RCAN2: variants seen among roughly 807,000 people sequenced by gnomAD.
RCAN2 encodes regulator of calcineurin 2.
In RCAN2, 9 loss-of-function variants were observed where a neutral mutation model predicts 23.6. The observed-to-expected ratio is 0.38, with a 90% CI of 0.23 to 0.67. RCAN2 has a LOEUF of 0.67. Ranked by LOEUF, RCAN2 falls within the 30% of genes least tolerant of loss-of-function variation. The probability of loss-of-function intolerance (pLI) is 0.51; values close to 1 mark genes in which losing one functional copy is unlikely to be tolerated. For synonymous variants in RCAN2, 109 were observed against 115.7 expected (o/e 0.94, Z 0.37); for missense variants, 273 against 302.3 (o/e 0.90, Z 0.72).
At chr6:46,327,216 A>G (rs1763820847) in intron 2 of RCAN2, among the ~76,000 whole-genome samples, 1 of 152,152 alleles carries the variant, frequency 6.6e-6, no homozygotes, top group South Asian at 2.1e-4. Flanking sequence ...TAGGTATAGG[A>G]AGTGTTCAGT....
chr6:46,314,359 C>CAAAAAA (rs537111154), intron 2 of RCAN2, among the ~76,000 whole-genome samples: 11 of 92,166 alleles, frequency 1.2e-4, no homozygotes, highest in African/African-American at 2.7e-4. Context: ...GAGACTCTGT[C>CAAAAAA]AAAAAAAAAA....
intron 2 of RCAN2, among the ~76,000 whole-genome samples, chr6:46,378,490 C>T (rs1765538699): frequency 6.6e-6 from 1 of 152,080 alleles, no homozygotes; most frequent in Non-Finnish European, 1.5e-5. Context: ...TCAGGATTTA[C>T]CAGAGTATTA....
intron 2 of RCAN2, among the ~76,000 whole-genome samples, chr6:46,350,831 T>C (rs11963889): frequency 0.42 from 63,434 of 151,940 alleles, 14,673 homozygotes; most frequent in East Asian, 0.6. Flanking sequence ...TTCTAATCCC[T>C]TTACACTGCT....
chr6:46,425,557 TA>T (rs1315524708), intron 2 of RCAN2, among the ~76,000 whole-genome samples: 1 of 152,174 alleles, frequency 6.6e-6, no homozygotes, highest in Non-Finnish European at 1.5e-5. Context: ...AGAATTTTTT[TA>T]AAAAAAGATA....
At chr6:46,387,700 C>T (rs1765797667) in intron 2 of RCAN2, among the ~76,000 whole-genome samples, 1 of 152,164 alleles carries the variant, frequency 6.6e-6, no homozygotes, top group East Asian at 1.9e-4. Context: ...TGTGGCGATT[C>T]CTCAAGGATG....
At chr6:46,369,024 T>G (rs928000734) in intron 2 of RCAN2, among the ~76,000 whole-genome samples, 3 of 152,218 alleles carry the variant, frequency 2.0e-5, no homozygotes, top group Non-Finnish European at 2.9e-5. Flanking sequence ...AAGTATTTTC[T>G]TTCTTTATAC....
chr6:46,482,309 C>A (rs1445829699), intron 1 of RCAN2, among the ~76,000 whole-genome samples: 1 of 151,744 alleles, frequency 6.6e-6, no homozygotes, highest in Non-Finnish European at 1.5e-5. Context: ...AATACCAGTC[C>A]CCTTTTTTGG....
intron 2 of RCAN2, among the ~76,000 whole-genome samples, chr6:46,403,184 C>G (rs544738141): frequency 6.6e-6 from 1 of 152,068 alleles, no homozygotes; most frequent in Non-Finnish European, 1.5e-5. Context: ...CCAGGATGGT[C>G]TCAATCTCCT....
rs563085095 is a variant in RCAN2, at chr6:46,278,402, A to C, written c.226-29506T>G. 5.3e-3 allele frequency among the ~76,000 whole-genome samples: 800 copies of C among 151,598 alleles called. 5 individuals carry two copies. Among genetic ancestry groups the C allele is most frequent in the African/African-American group, 0.018 (736 of 41,304 alleles). ...TTACACACACACACACATACACACA[A>C]AAAAAACCCACACACTTTATTCCTG... On this transcript the variant is annotated intron_variant, in intron 2 of 4. Transcript: ENST00000371374.
intron 4 of RCAN2, among the ~76,000 whole-genome samples, chr6:46,224,398 T>C (rs903855369): frequency 6.6e-6 from 1 of 152,320 alleles, no homozygotes; most frequent in Admixed American, 6.5e-5. Flanking sequence ...CAAGATCAAG[T>C]ATAAATTTTG....
chr6:46,455,424 C>A (rs1277864899), intron 2 of RCAN2, among the ~76,000 whole-genome samples: 2 of 152,088 alleles, frequency 1.3e-5, no homozygotes, highest in African/African-American at 2.4e-5. Flanking sequence ...CAAAATCAAT[C>A]ATATCCGTAA....
intron 2 of RCAN2, among the ~76,000 whole-genome samples, chr6:46,427,026 T>C (rs1383589346): frequency 1.3e-5 from 2 of 152,178 alleles, no homozygotes; most frequent in Non-Finnish European, 2.9e-5. Flanking sequence ...CCTCCTAGGG[T>C]CATTGGGAAT....
intron 2 of RCAN2, among the ~76,000 whole-genome samples, chr6:46,417,215 G>A (rs974454016): frequency 2.0e-5 from 3 of 152,250 alleles, no homozygotes; most frequent in African/African-American, 7.2e-5. Context: ...TTTCAGAAAG[G>A]TACCAATTTA....
At chr6:46,410,398 A>G (rs1328331728) in intron 2 of RCAN2, among the ~76,000 whole-genome samples, 2 of 152,188 alleles carry the variant, frequency 1.3e-5, no homozygotes, top group Admixed American at 6.5e-5. Flanking sequence ...ACTAACATAT[A>G]TCAATAATAG....
At chr6:46,276,254 G>A (rs573234270) in intron 2 of RCAN2, among the ~76,000 whole-genome samples, 2 of 149,814 alleles carry the variant, frequency 1.3e-5, no homozygotes, top group African/African-American at 4.9e-5. Flanking sequence ...CAGGGTTGGT[G>A]TGTAGAATTC....
At chr6:46,255,186 C>T (rs1455888804) in intron 2 of RCAN2, among the ~76,000 whole-genome samples, 1 of 152,042 alleles carries the variant, frequency 6.6e-6, no homozygotes, top group Non-Finnish European at 1.5e-5. Context: ...TACACCATTT[C>T]CCCCCAGGAG....
At chr6:46,407,969 G>T (rs557304142) in intron 2 of RCAN2, among the ~76,000 whole-genome samples, 2 of 152,280 alleles carry the variant, frequency 1.3e-5, no homozygotes, top group South Asian at 2.1e-4. Context: ...CACTGAAATT[G>T]TCCATCTGGA....
At chr6:46,369,063 TA>T (rs1202860260) in intron 2 of RCAN2, among the ~76,000 whole-genome samples, 2 of 152,206 alleles carry the variant, frequency 1.3e-5, no homozygotes, top group Non-Finnish European at 1.5e-5. Context: ...TTATGTTTTT[TA>T]AATTGTTATT....
chr6:46,292,435 TTTG>T (rs1561845706), intron 2 of RCAN2, among the ~76,000 whole-genome samples: 1,457 of 144,894 alleles, frequency 0.01, 27 homozygotes, highest in African/African-American at 0.034. Context: ...TGTTTTTTTT[TTTG>T]TTTTTTTTTT....
Sources: gnomAD v4.1 joint callset for allele counts (sites outside exome capture counted in the v4.1 genomes callset) on GRCh38, gnomAD v4.1.1 for gene constraint, MANE v1.5 for transcripts, NCBI Gene and HGNC (gene_info 2026-07-23, HGNC 2026-07-21) for gene names.